CFAP74: variants seen among roughly 807,000 people sequenced by gnomAD.
CFAP74 encodes the protein cilia- and flagella-associated protein 74.
Under a neutral mutation model 188.9 loss-of-function variants are expected in CFAP74, and 124 were observed. That is an observed-to-expected ratio of 0.66 (90% confidence interval 0.57 to 0.76). The LOEUF is 0.76. Ranked by LOEUF, CFAP74 falls within the 30% of genes least tolerant of loss-of-function variation. The pLI is 0.00. For synonymous variants in CFAP74, 956 were observed against 916.7 expected (o/e 1.04, Z -0.77); for missense variants, 2,198 against 2,165.2 (o/e 1.02, Z -0.30).
intron 28 of CFAP74, chr1:1,927,288 T>C (rs377676749): frequency 2.8e-5 from 16 of 580,704 alleles, no homozygotes; most frequent in African/African-American, 2.4e-4. Context: ...TAGAGAGCCA[T>C]GTTCCTTCCC....
At chr1:1,949,104 T>TCC (rs1654037176) in intron 18 of CFAP74, among the ~76,000 whole-genome samples, 1 of 124,718 alleles carries the variant, frequency 8.0e-6, no homozygotes, top group Non-Finnish European at 1.7e-5. Flanking sequence ...CTCCTTTCCT[T>TCC]CCTTCCTTTC....
intron 24 of CFAP74, among the ~76,000 whole-genome samples, 159 bp from the exon 25 acceptor site, chr1:1,939,147 TGTGA>T (rs1459488551): frequency 6.6e-5 from 10 of 151,942 alleles, no homozygotes; most frequent in South Asian, 2.1e-4. Context: ...TCAGCAAGTG[TGTGA>T]GTGTGAGCAC....
rs765112352 is a variant in CFAP74 at position 1,965,066 on chromosome 1, G to T, written c.1402-5C>A. 6.2e-7 allele frequency: 1 copy of T among 1,610,920 alleles called. No homozygotes were observed. Among genetic ancestry groups the T allele is most frequent in the East Asian group, 2.2e-5 (1 of 44,794 alleles). On this transcript the variant is annotated splice_region_variant and splice_polypyrimidine_tract_variant and intron_variant, in intron 12 of 38. Transcript: ENST00000682832. ...GTCCACGTCCTCCTTGGGCACCTGG[G>T]GGTCACAGAGACAGAGGCTGGGGCT...
At position 1,922,365 on chromosome 1, in the gene CFAP74, C is replaced by G; in HGVS notation, c.4842G>C (p.Ser1614=). 6.2e-7 allele frequency: 1 copy of G among 1,600,446 alleles called. No individual in the cohort carries two copies. Among genetic ancestry groups the G allele is most frequent in the Non-Finnish European group, 8.5e-7 (1 of 1,176,584 alleles). ...DFDPDHPLMV[S]ALLQLRGDVK... The stretch of plus-strand genomic sequence containing the variant: ...CATCCCCCCTTAGCTGCAGCAGGGC[C>G]GACACCATGAGTGGGTGGTCTGGCT... The change falls in exon 39 of 39, where the codon TCG becomes TCC. Residue 1614 remains serine, a synonymous_variant. Transcript: ENST00000682832.
intron 8 of CFAP74, among the ~76,000 whole-genome samples, chr1:1,972,541 G>A (rs1173420791): frequency 6.6e-6 from 1 of 152,234 alleles, no homozygotes; most frequent in Non-Finnish European, 1.5e-5. Flanking sequence ...TGATAAGGTG[G>A]TGATTCAATA....
intron 16 of CFAP74, among the ~76,000 whole-genome samples, chr1:1,957,875 C>T (rs900022585): frequency 1.3e-5 from 2 of 152,098 alleles, no homozygotes; most frequent in African/African-American, 2.4e-5. Flanking sequence ...CAACCGTGAC[C>T]GCTCTGAGGA....
rs1657539750 is a variant in CFAP74 at position 1,991,083 on chromosome 1, G to A, written c.-19-108C>T. 4.3e-5 allele frequency: 31 copies of A among 716,446 alleles called. No homozygotes were observed. The South Asian group carries it at 5.6e-4, about 13-fold the overall frequency. The allele number at this position is 716,446 out of a possible 1,614,324, so 44.4% of individuals were successfully genotyped here. On this transcript the variant is annotated intron_variant, in intron 1 of 38. Transcript: ENST00000682832. ...CATTAAGAAAACAAACGACAGATTAGGAAAAAATATTTGCAGCACACACAT... is the reference window on the plus strand; with the variant it reads ...CATTAAGAAAACAAACGACAGATTAAGAAAAAATATTTGCAGCACACACAT...
chr1:1,969,382 C>G (rs1655754332), intron 10 of CFAP74, among the ~76,000 whole-genome samples: 1 of 146,732 alleles, frequency 6.8e-6, no homozygotes, highest in African/African-American at 2.5e-5. Flanking sequence ...CCAGCCCTGC[C>G]AAGCCCAGCC....
intron 6 of CFAP74, 95 bp from the exon 7 acceptor site, chr1:1,974,293 T>C (rs1656293696): frequency 7.7e-7 from 1 of 1,293,280 alleles, no homozygotes; most frequent in Non-Finnish European, 1.1e-6. Flanking sequence ...TCCAGGCAGA[T>C]GTTGAACACC....
chr1:1,960,831 C>T (rs1401067650), intron 14 of CFAP74, among the ~76,000 whole-genome samples: 1 of 152,152 alleles, frequency 6.6e-6, no homozygotes, highest in East Asian at 1.9e-4. Context: ...GGTGGACGTG[C>T]GTGCCTCACA....
intron 6 of CFAP74, among the ~76,000 whole-genome samples, chr1:1,982,414 C>G (rs2102097101): frequency 6.6e-6 from 1 of 152,328 alleles, no homozygotes; most frequent in East Asian, 1.9e-4. Context: ...GCAGGACACC[C>G]CGCCAGGGAC....
chr1:1,988,353 G>A (rs552681646), intron 4 of CFAP74, among the ~76,000 whole-genome samples, 159 bp downstream of exon 4: 1 of 152,290 alleles, frequency 6.6e-6, no homozygotes, highest in Non-Finnish European at 1.5e-5. Flanking sequence ...CTAGCTCCCG[G>A]GTGGGGCTTG....
chr1:1,992,477 ATT>A (rs34753436), intron 1 of CFAP74, among the ~76,000 whole-genome samples: 2 of 138,964 alleles, frequency 1.4e-5, no homozygotes, highest in African/African-American at 5.3e-5. Context: ...ACCAAAAACA[ATT>A]TTTTTTTTTT....
At chr1:2,002,487 C>T (rs890184958) in intron 1 of CFAP74, among the ~76,000 whole-genome samples, 116 of 151,406 alleles carry the variant, frequency 7.7e-4, no homozygotes, top group African/African-American at 2.7e-3. Flanking sequence ...TCAAGACCAT[C>T]CTGGCCAACA....
intron 16 of CFAP74, among the ~76,000 whole-genome samples, chr1:1,958,270 G>A (rs775830362): frequency 3.3e-5 from 5 of 152,224 alleles, no homozygotes; most frequent in South Asian, 2.1e-4. Context: ...CGCCTGCCCC[G>A]GCTTGTTCCT....
At chr1:1,958,167 G>A (rs1654797903) in intron 16 of CFAP74, among the ~76,000 whole-genome samples, 1 of 152,236 alleles carries the variant, frequency 6.6e-6, no homozygotes, top group Non-Finnish European at 1.5e-5. Flanking sequence ...CTCATCAAAG[G>A]TGGCTTGGGG....
intron 6 of CFAP74, among the ~76,000 whole-genome samples, chr1:1,976,542 TTCTTATTTTTATTTCTTTTAAAATGAG>T (rs1656456344): frequency 1.3e-5 from 2 of 152,136 alleles, no homozygotes; most frequent in Non-Finnish European, 2.9e-5. Context: ...ACCTCTTTTC[TTCTTATTTTTATTTCTTTTAAAATGAG>T]TCTTGCTCTC....
intron 18 of CFAP74, among the ~76,000 whole-genome samples, chr1:1,950,425 C>T (rs1654135882): frequency 6.6e-6 from 1 of 151,506 alleles, no homozygotes; most frequent in Non-Finnish European, 1.5e-5. Context: ...CTGCAAACTC[C>T]GCCTCCCAGG....
chr1:1,947,652 G>A (rs757054903), intron 18 of CFAP74, among the ~76,000 whole-genome samples: 2 of 152,224 alleles, frequency 1.3e-5, no homozygotes, highest in Non-Finnish European at 2.9e-5. Context: ...CCACGCGCAG[G>A]TTGGCATTCT....
Sources: allele counts gnomAD v4.1 joint callset (sites outside exome capture counted in the v4.1 genomes callset), GRCh38; gene constraint gnomAD v4.1.1; transcripts MANE v1.5; gene names NCBI Gene and HGNC (gene_info 2026-07-23, HGNC 2026-07-21).